CASP5: variants seen among roughly 807,000 people sequenced by gnomAD.
CASP5 encodes caspase 5.
A neutral mutation model predicts 45.2 loss-of-function variants in CASP5; 42 were observed. The ratio of observed to expected loss-of-function variants is 0.93; its 90% CI spans 0.73 to 1.20. CASP5 has a LOEUF of 1.20. Among genes scored for constraint, CASP5 ranks in the 50% most tolerant of loss-of-function variants. CASP5 has a pLI of 0.00. For missense variants in CASP5, 512 were observed against 532.2 expected, an observed-to-expected ratio of 0.96 and a Z score of 0.37; for synonymous variants, 209 against 186.2, an observed-to-expected ratio of 1.12 and a Z score of -1.00.
rs1455622883 is a variant in CASP5, at chr11:105,017,053, A to C, written c.7+6077T>G. The stretch of plus-strand genomic sequence containing the variant: ...CACCCCCCAGCAGGGGCAGACTGAC[A>C]CCTCACACGGCCGGGTACTCCAACA... On this transcript the variant is annotated intron_variant, in intron 1 of 9. Transcript: ENST00000260315. Among the ~76,000 whole-genome samples, 140 of 151,750 alleles carry C rather than the reference A, an allele frequency of 9.2e-4. 3 individuals carry two copies. In the South Asian group the frequency reaches 0.027, roughly 29 times the overall value.
intron 3 of CASP5, among the ~76,000 whole-genome samples, chr11:105,003,956 G>C (rs1033604954): frequency 1.3e-5 from 2 of 151,730 alleles, no homozygotes; most frequent in African/African-American, 4.8e-5. Context: ...AAAAGTGGAT[G>C]GGACAACATC....
chr11:105,014,296 AT>A (rs5794369), intron 1 of CASP5, among the ~76,000 whole-genome samples: 22,998 of 147,684 alleles, frequency 0.16, 1,995 homozygotes, highest in Admixed American at 0.25. Context: ...ACCAGATGGC[AT>A]TTTTTTTTTT....
At chr11:105,019,930 T>C (rs1400847709) in intron 1 of CASP5, among the ~76,000 whole-genome samples, 1 of 145,656 alleles carries the variant, frequency 6.9e-6, no homozygotes, top group African/African-American at 2.5e-5. Flanking sequence ...AAACCGAATC[T>C]AGCAGCACAT....
chr11:104,997,619 T>A, intron 7 of CASP5, 127 bp from the exon 8 acceptor site: 1 of 545,324 alleles, frequency 1.8e-6, no homozygotes, highest in Non-Finnish European at 3.2e-6. Flanking sequence ...ACCAAACATT[T>A]ACTTAGGTTT....
chr11:105,010,672 A>C (rs1862307694), intron 1 of CASP5, among the ~76,000 whole-genome samples: 1 of 151,540 alleles, frequency 6.6e-6, no homozygotes, highest in African/African-American at 2.4e-5. Context: ...GCTGCCCTAA[A>C]TCACATGAAT....
chr11:104,996,194 C>T lies in CASP5; in HGVS notation c.1207-352G>A, dbSNP rs570416791. 1.4e-3 allele frequency among the ~76,000 whole-genome samples: 217 copies of T among 152,266 alleles called. 3 individuals are homozygous for T. Among genetic ancestry groups the T allele is most frequent in the African/African-American group, 4.5e-3 (189 of 41,560 alleles). On this transcript the variant is annotated intron_variant, in intron 8 of 9. Transcript: ENST00000260315. ...ATTTAGTACTTTCAACCCCCACCAA[C>T]GCTGATTCTTCAATTTAAGGAGAAT...
At chr11:104,996,047 A>G (rs1186177608) in intron 8 of CASP5, among the ~76,000 whole-genome samples, 1 of 152,104 alleles carries the variant, frequency 6.6e-6, no homozygotes, top group Non-Finnish European at 1.5e-5. Context: ...ATCAAAATAA[A>G]CACTGCATGC....
chr11:105,000,466 A>C lies in CASP5; in HGVS notation c.747T>G (p.Ala249=). 6.2e-7 allele frequency: 1 copy of C among 1,614,150 alleles called. No individual in the cohort carries two copies. Among genetic ancestry groups the C allele is most frequent in the Non-Finnish European group, 8.5e-7 (1 of 1,180,014 alleles). The change falls in exon 6 of 10, where the codon GCT becomes GCG. Residue 249 remains alanine, a synonymous_variant. Transcript: ENST00000260315. ...CAGAGGACTTGTGCTCTGGTCTGGCAGCAAATGCCCTCAGCACTGACTCCA... is the reference window on the plus strand; with the variant it reads ...CAGAGGACTTGTGCTCTGGTCTGGCCGCAAATGCCCTCAGCACTGACTCCA... The part of the protein sequence containing the change: ...RDMESVLRAF[A]ARPEHKSSDS...
At chr11:105,006,054 G>C (rs1302517740) in intron 3 of CASP5, among the ~76,000 whole-genome samples, 4 of 152,120 alleles carry the variant, frequency 2.6e-5, no homozygotes, top group South Asian at 2.1e-4. Flanking sequence ...TTATTGGTAA[G>C]CTGTAGTAGT....
In CASP5 at chr11:105,007,226, T is replaced by C; in HGVS notation, c.290A>G (p.Glu97Gly). ...LAKHDVLTLK[E>G]EEKKKYYDTK... ...ATCATAATATTTTTTCTTTTCCTCT[T>C]CCTTCAATGTCAGAACATCGTGTTT... Residue 97 changes from glutamate to glycine, a missense_variant, in exon 3 of 10, where the codon GAA becomes GGA. Glu to Gly is a moderately conservative substitution (Grantham distance 98). Coordinates refer to ENST00000260315, the MANE Select transcript of CASP5 (RefSeq NM_004347.5). The C allele has an allele frequency of 3.1e-6, 5 of 1,613,570 alleles. No homozygotes were observed. The highest frequency in any genetic ancestry group is 4.2e-6 in the Non-Finnish European group (5 of 1,179,774).
At chr11:105,022,191 G>A (rs980241951) in intron 1 of CASP5, among the ~76,000 whole-genome samples, 3 of 145,326 alleles carry the variant, frequency 2.1e-5, no homozygotes, top group Non-Finnish European at 4.6e-5. Flanking sequence ...GGATAGCATT[G>A]GGAGGTATAC....
At chr11:105,019,469 G>A (rs867741357) in intron 1 of CASP5, among the ~76,000 whole-genome samples, 1 of 150,448 alleles carries the variant, frequency 6.6e-6, no homozygotes, top group East Asian at 1.9e-4. Flanking sequence ...AATGATAATG[G>A]GGATATCACC....
Position 104,999,005 on chromosome 11 carries a change from T to C in CASP5, c.976A>G (p.Arg326Gly). 3.7e-6 allele frequency: 6 copies of C among 1,605,608 alleles called. No homozygotes were observed. Among genetic ancestry groups the C allele is most frequent in the Non-Finnish European group, 5.1e-6 (6 of 1,177,480 alleles). The change falls in exon 7 of 10, where the codon AGA becomes GGA. Residue 326 changes from arginine (R) to glycine (G), a missense_variant. Transcript: ENST00000260315. ...AGTGCCAAGGATGCTGGAGAGTCTCTGACCCAGAGTTCCCCATGTTTTTCT... is the reference window on the plus strand; with the variant it reads ...AGTGCCAAGGATGCTGGAGAGTCTCCGACCCAGAGTTCCCCATGTTTTTCT... ...RGEKHGELWV[R>G]DSPASLALIS... is the part of the protein sequence containing the mutation.
intron 1 of CASP5, among the ~76,000 whole-genome samples, chr11:105,020,845 T>C (rs75448699): frequency 0.15 from 22,392 of 150,926 alleles, 1,887 homozygotes; most frequent in Admixed American, 0.24. Context: ...GAGCCCGCAT[T>C]GCCACGTCAA....
rs1342532562 is a variant in CASP5, at chr11:105,020,491, C to G, written c.7+2639G>C. 2.0e-5 allele frequency among the ~76,000 whole-genome samples: 3 copies of G among 147,916 alleles called. No homozygotes were observed. The East Asian group carries it at 5.9e-4, about 29-fold the overall frequency. The stretch of plus-strand genomic sequence containing the variant: ...ATACAAAATCAATGTACAAAAATCA[C>G]AAGCATTCTTATACACCAACAACAG... On this transcript the variant is annotated intron_variant, in intron 1 of 9. Transcript: ENST00000260315.
intron 3 of CASP5, among the ~76,000 whole-genome samples, chr11:105,005,831 T>TC (rs1861975719): frequency 1.3e-5 from 2 of 152,208 alleles, no homozygotes; most frequent in South Asian, 4.1e-4. Flanking sequence ...CGATATTTTT[T>TC]CCTCATGCCA....
chr11:105,018,153 G>A (rs1862735993), intron 1 of CASP5, among the ~76,000 whole-genome samples: 2 of 151,742 alleles, frequency 1.3e-5, no homozygotes, highest in African/African-American at 4.8e-5. Flanking sequence ...GCTCCTGAAG[G>A]AAGCACTCAA....
rs1381912758 is a variant in CASP5 at position 105,009,202 on chromosome 11, T to G, written c.8-222A>C. Reference sequence around the variant, plus strand: ...ATTCATTGCCACTTAAGTTTGTTTTTTATAGCTTGTCTTTTTCCTTTCTGC... The same window carrying G: ...ATTCATTGCCACTTAAGTTTGTTTTGTATAGCTTGTCTTTTTCCTTTCTGC... On this transcript the variant is annotated intron_variant, in intron 1 of 9. Coordinates refer to ENST00000260315, the MANE Select transcript of CASP5 (RefSeq NM_004347.5). 6.8e-6 allele frequency: 4 copies of G among 585,022 alleles called. No individual in the cohort carries two copies. The African/African-American group carries it at 7.5e-5, about 11-fold the overall frequency. The allele number at this position is 585,022 out of a possible 1,614,324, so 36.2% of individuals were successfully genotyped here.
At chr11:104,996,333 G>A (rs932765650) in intron 8 of CASP5, among the ~76,000 whole-genome samples, 1 of 152,100 alleles carries the variant, frequency 6.6e-6, no homozygotes, top group African/African-American at 2.4e-5. Context: ...CCTGCTTACC[G>A]TAAATCCAAT....
Sources: gnomAD v4.1 joint callset for allele counts (sites outside exome capture counted in the v4.1 genomes callset) on GRCh38, gnomAD v4.1.1 for gene constraint, MANE v1.5 for transcripts, NCBI Gene and HGNC (gene_info 2026-07-23, HGNC 2026-07-21) for gene names.